The following SH3GL2 variants were observed in gnomAD, a reference collection of about 807,000 sequenced individuals.
The protein encoded by SH3GL2 is SH3 domain containing GRB2 like 2, endophilin A1.
Under a neutral mutation model 46.0 loss-of-function variants are expected in SH3GL2, and 24 were observed. The observed-to-expected ratio is 0.52, with a 90% CI of 0.38 to 0.73. The LOEUF is 0.73. SH3GL2 is among the 30% of genes least tolerant of loss of function. The probability of loss-of-function intolerance (pLI) is 0.00; values close to 1 mark genes in which losing one functional copy is unlikely to be tolerated. For synonymous variants in SH3GL2, 196 were observed against 147.1 expected, an observed-to-expected ratio of 1.33 and a Z score of -2.40; for missense variants, 413 against 424.2, an observed-to-expected ratio of 0.97 and a Z score of 0.23.
intron 2 of SH3GL2, among the ~76,000 whole-genome samples, chr9:17,751,889 T>C (rs2209424): frequency 0.44 from 66,973 of 151,898 alleles, 15,563 homozygotes; most frequent in East Asian, 0.83. Context: ...GGGCCAGAGC[T>C]CCAAACAAGA....
intron 1 of SH3GL2, among the ~76,000 whole-genome samples, chr9:17,607,997 G>T (rs2134574721): frequency 6.6e-6 from 1 of 152,208 alleles, no homozygotes; most frequent in East Asian, 1.9e-4. Context: ...AGAAATTCAA[G>T]ATTTTCCTTC....
intron 1 of SH3GL2, among the ~76,000 whole-genome samples, chr9:17,682,576 G>A (rs9987949): frequency 0.12 from 17,948 of 151,686 alleles, 1,411 homozygotes; most frequent in Admixed American, 0.19. Context: ...CAAGGGGAGG[G>A]AACTTAGAGG....
At chr9:17,794,353 T>C (rs1824220941) in intron 8 of SH3GL2, among the ~76,000 whole-genome samples, 1 of 152,176 alleles carries the variant, frequency 6.6e-6, no homozygotes, top group African/African-American at 2.4e-5. Context: ...AGAAAACTTT[T>C]TATAAGATGC....
intron 2 of SH3GL2, among the ~76,000 whole-genome samples, chr9:17,750,600 G>T (rs542228458): frequency 1.3e-5 from 2 of 152,086 alleles, no homozygotes; most frequent in Non-Finnish European, 2.9e-5. Flanking sequence ...CATTTTAAAT[G>T]CTGTCTGTTG....
chr9:17,592,538 G>A (rs1485532940), intron 1 of SH3GL2, among the ~76,000 whole-genome samples: 1 of 152,220 alleles, frequency 6.6e-6, no homozygotes, highest in Non-Finnish European at 1.5e-5. Flanking sequence ...AAATCTGTGA[G>A]CTTGAGGTTT....
At chr9:17,635,780 G>T (rs1034445096) in intron 1 of SH3GL2, among the ~76,000 whole-genome samples, 3 of 152,196 alleles carry the variant, frequency 2.0e-5, no homozygotes, top group Non-Finnish European at 2.9e-5. Context: ...GCACAAGGGA[G>T]AAAAATGAGT....
intron 1 of SH3GL2, among the ~76,000 whole-genome samples, chr9:17,697,492 T>C (rs11794533): frequency 0.08 from 12,216 of 152,008 alleles, 651 homozygotes; most frequent in Admixed American, 0.14. Context: ...AAAGTGCTGG[T>C]ATTACAGGTG....
intron 1 of SH3GL2, among the ~76,000 whole-genome samples, chr9:17,743,677 C>T (rs995139184): frequency 2.0e-5 from 3 of 151,782 alleles, no homozygotes; most frequent in African/African-American, 4.8e-5. Flanking sequence ...TTACTAATGG[C>T]CAGTGGGATC....
At chr9:17,655,323 C>T (rs1292733776) in intron 1 of SH3GL2, among the ~76,000 whole-genome samples, 1 of 152,122 alleles carries the variant, frequency 6.6e-6, no homozygotes, top group Non-Finnish European at 1.5e-5. Context: ...TTTGTCCCTC[C>T]CTCTTCCTGT....
At chr9:17,736,946 C>G (rs1822354076) in intron 1 of SH3GL2, among the ~76,000 whole-genome samples, 2 of 151,990 alleles carry the variant, frequency 1.3e-5, no homozygotes, top group Admixed American at 6.6e-5. Context: ...AGACTTGGAA[C>G]CAACCCAAAT....
intron 1 of SH3GL2, among the ~76,000 whole-genome samples, chr9:17,625,063 C>G (rs1819249749): frequency 6.6e-6 from 1 of 152,208 alleles, no homozygotes; most frequent in Non-Finnish European, 1.5e-5. Context: ...CCCTTTCCCT[C>G]TGGCCATACT....
intron 1 of SH3GL2, among the ~76,000 whole-genome samples, chr9:17,611,057 A>T (rs2134580785): frequency 6.6e-6 from 1 of 152,304 alleles, no homozygotes; most frequent in Non-Finnish European, 1.5e-5. Flanking sequence ...TCTGAGAGTT[A>T]TTCATTGTGA....
chr9:17,742,676 G>A (rs79382557), intron 1 of SH3GL2, among the ~76,000 whole-genome samples: 2,487 of 152,210 alleles, frequency 0.016, 70 homozygotes, highest in African/African-American at 0.058. Context: ...AGACGATAAA[G>A]AATAAGAGGA....
chr9:17,646,788 C>T (rs1184714865), intron 1 of SH3GL2, among the ~76,000 whole-genome samples: 2 of 152,168 alleles, frequency 1.3e-5, no homozygotes, highest in African/African-American at 4.8e-5. Context: ...AGCCAGAGCT[C>T]TCCTTTATGA....
intron 1 of SH3GL2, among the ~76,000 whole-genome samples, chr9:17,580,943 G>T (rs897330211): frequency 1.3e-4 from 20 of 152,140 alleles, no homozygotes; most frequent in African/African-American, 4.1e-4. Flanking sequence ...AAAGGCTAAG[G>T]TTTGAATCCT....
At chr9:17,729,962 A>G (rs1432667205) in intron 1 of SH3GL2, among the ~76,000 whole-genome samples, 2 of 143,728 alleles carry the variant, frequency 1.4e-5, no homozygotes, top group African/African-American at 5.5e-5. Flanking sequence ...TTGGTTCCAT[A>G]TGACATTTAA....
Position 17,622,986 on chromosome 9 carries a change from G to GTTCCGTTCCTTTCCTTTCC in SH3GL2, c.45+43701_45+43702insCCGTTCCTTTCCTTTCCTT, listed in dbSNP as rs1554631076. Among the ~76,000 whole-genome samples, 10 of 99,412 alleles carry GTTCCGTTCCTTTCCTTTCC rather than the reference G, an allele frequency of 1.0e-4. 1 individual carries two copies. The highest frequency in any genetic ancestry group is 3.4e-4 in the African/African-American group (8 of 23,362). 65.2% of individuals were successfully genotyped at this position (99,412 alleles called of 152,430 possible). Reference sequence around the variant, plus strand: ...CTCCCTTTTCCTTTCGTTTCCTTTCGTTTCCTTTCCTTTCCTTTCCTTTCC... The same window carrying GTTCCGTTCCTTTCCTTTCC: ...CTCCCTTTTCCTTTCGTTTCCTTTCGTTCCGTTCCTTTCCTTTCCTTTCCTTTCCTTTCCTTTCCTTTCC... On this transcript the variant is annotated intron_variant, in intron 1 of 8. Coordinates refer to ENST00000380607, the MANE Select transcript of SH3GL2 (RefSeq NM_003026.5).
chr9:17,724,730 A>G (rs1588275510), intron 1 of SH3GL2, among the ~76,000 whole-genome samples: 2 of 152,018 alleles, frequency 1.3e-5, no homozygotes, highest in East Asian at 1.9e-4. Context: ...TCATTTGTTT[A>G]TTTGTTTAGT....
At chr9:17,732,987 G>A (rs1588283494) in intron 1 of SH3GL2, among the ~76,000 whole-genome samples, 1 of 151,980 alleles carries the variant, frequency 6.6e-6, no homozygotes, top group African/African-American at 2.4e-5. Context: ...TAGCATACCT[G>A]GTCACTTCAC....
Sources: gnomAD v4.1 joint callset for allele counts (sites outside exome capture counted in the v4.1 genomes callset) on GRCh38, gnomAD v4.1.1 for gene constraint, MANE v1.5 for transcripts, NCBI Gene and HGNC (gene_info 2026-07-23, HGNC 2026-07-21) for gene names.